GPM6A: variants seen among roughly 807,000 people sequenced by gnomAD.
GPM6A encodes neuronal membrane glycoprotein M6-a.
A neutral mutation model predicts 32.1 loss-of-function variants in GPM6A; 7 were observed. The observed-to-expected ratio is 0.22, with a 90% CI of 0.12 to 0.41. The LOEUF is 0.41. GPM6A is among the 10% of genes least tolerant of loss of function. GPM6A has a pLI of 1.00. For missense variants in GPM6A, 235 were observed against 347.2 expected (o/e 0.68, Z 2.57); for synonymous variants, 130 against 123.4 (o/e 1.05, Z -0.35).
chr4:176,000,538 C>A (rs1256904088), intron 1 of GPM6A, among the ~76,000 whole-genome samples: 3 of 152,190 alleles, frequency 2.0e-5, no homozygotes, highest in African/African-American at 4.8e-5. Context: ...CCTTTGATAG[C>A]CAGTCCTCTC....
At chr4:175,779,992 GA>G (rs955784640) in intron 1 of GPM6A, among the ~76,000 whole-genome samples, 2 of 146,390 alleles carry the variant, frequency 1.4e-5, no homozygotes, top group South Asian at 2.1e-4. Flanking sequence ...TATGCTCAGT[GA>G]AAAAAAAATA....
At chr4:175,964,402 G>T (rs79795802) in intron 1 of GPM6A, among the ~76,000 whole-genome samples, 281 of 152,218 alleles carry the variant, frequency 1.8e-3, no homozygotes, top group African/African-American at 6.0e-3. Flanking sequence ...ATATTAGTTC[G>T]CAGGGGCTAT....
intron 1 of GPM6A, among the ~76,000 whole-genome samples, chr4:175,914,469 C>T (rs914410645): frequency 1.3e-5 from 2 of 152,102 alleles, no homozygotes; most frequent in African/African-American, 4.8e-5. Flanking sequence ...ACTACCGGCA[C>T]ATGCCACCAC....
intron 1 of GPM6A, among the ~76,000 whole-genome samples, chr4:175,964,171 G>A (rs1740260059): frequency 6.6e-6 from 1 of 151,722 alleles, no homozygotes; most frequent in Non-Finnish European, 1.5e-5. Flanking sequence ...TAACAAACAT[G>A]ATAGATAATG....
At chr4:175,659,508 A>T (rs757051735) in intron 3 of GPM6A, among the ~76,000 whole-genome samples, 3 of 152,176 alleles carry the variant, frequency 2.0e-5, no homozygotes, top group Non-Finnish European at 4.4e-5. Flanking sequence ...TTTTAAAAAT[A>T]GTTAAGAGAA....
chr4:175,653,827 A>G (rs1741932669), intron 3 of GPM6A, among the ~76,000 whole-genome samples: 1 of 152,172 alleles, frequency 6.6e-6, no homozygotes. Context: ...ACTTGACTGT[A>G]TATGGTAAAC....
At chr4:175,988,329 CAAAG>C (rs1003127560) in intron 1 of GPM6A, among the ~76,000 whole-genome samples, 15 of 152,080 alleles carry the variant, frequency 9.9e-5, no homozygotes, top group Non-Finnish European at 1.5e-4. Context: ...GAAAACTGGA[CAAAG>C]AAAGAAAGAC....
chr4:175,752,542 C>G (rs772741335), intron 1 of GPM6A, among the ~76,000 whole-genome samples: 1 of 152,082 alleles, frequency 6.6e-6, no homozygotes, highest in Non-Finnish European at 1.5e-5. Context: ...AAAAAGTCGG[C>G]TCCAAGAAGG....
chr4:175,964,664 T>C (rs1376025000), intron 1 of GPM6A, among the ~76,000 whole-genome samples: 1 of 152,202 alleles, frequency 6.6e-6, no homozygotes, highest in Non-Finnish European at 1.5e-5. Context: ...GACCTCATTT[T>C]ACCTTAATTA....
At chr4:175,677,567 C>A (rs1350857617) in intron 2 of GPM6A, among the ~76,000 whole-genome samples, 3 of 151,522 alleles carry the variant, frequency 2.0e-5, no homozygotes, top group Admixed American at 6.6e-5. Context: ...AAGAATTTGG[C>A]CAAAAAAAGT....
chr4:175,725,824 C>T (rs1324094307), intron 1 of GPM6A, among the ~76,000 whole-genome samples: 4 of 152,032 alleles, frequency 2.6e-5, no homozygotes, highest in Non-Finnish European at 5.9e-5. Flanking sequence ...TAATAATTTA[C>T]ATGAAATGAA....
At chr4:175,800,106 GGATTC>G (rs979995618) in intron 1 of GPM6A, among the ~76,000 whole-genome samples, 1 of 151,990 alleles carries the variant, frequency 6.6e-6, no homozygotes, top group African/African-American at 2.4e-5. Flanking sequence ...AAAAGTATAT[GGATTC>G]CAAAGTGGTT....
chr4:175,689,669 C>T (rs1043020420), intron 2 of GPM6A, among the ~76,000 whole-genome samples: 5 of 152,300 alleles, frequency 3.3e-5, no homozygotes, highest in African/African-American at 1.2e-4. Flanking sequence ...TGTTACCTGT[C>T]TGGATATTCT....
At chr4:175,843,603 C>A (rs992790051) in intron 1 of GPM6A, among the ~76,000 whole-genome samples, 5 of 152,294 alleles carry the variant, frequency 3.3e-5, no homozygotes, top group African/African-American at 9.6e-5. Flanking sequence ...CATAGGCAGG[C>A]AACCTGTGGA....
chr4:175,954,382 G>A (rs1369864580), intron 1 of GPM6A, among the ~76,000 whole-genome samples: 1 of 152,132 alleles, frequency 6.6e-6, no homozygotes, highest in Non-Finnish European at 1.5e-5. Flanking sequence ...TGCGAAACCC[G>A]GCTCAAGCAC....
chr4:175,763,277 G>A (rs1351304094), intron 1 of GPM6A, among the ~76,000 whole-genome samples: 1 of 152,138 alleles, frequency 6.6e-6, no homozygotes, highest in African/African-American at 2.4e-5. Context: ...CTCCCAAAGT[G>A]CTGGGATTAC....
intron 1 of GPM6A, among the ~76,000 whole-genome samples, chr4:175,717,113 A>G (rs1745879620): frequency 6.6e-6 from 1 of 151,838 alleles, no homozygotes; most frequent in African/African-American, 2.4e-5. Flanking sequence ...TCTCGCCAGC[A>G]TCATTTCCCA....
At chr4:175,943,801 T>A (rs1739495089) in intron 1 of GPM6A, among the ~76,000 whole-genome samples, 1 of 152,198 alleles carries the variant, frequency 6.6e-6, no homozygotes, top group African/African-American at 2.4e-5. Flanking sequence ...ATTGAGGGTT[T>A]TCGCATCGAT....
intron 1 of GPM6A, among the ~76,000 whole-genome samples, chr4:175,715,793 A>G (rs1222868788): frequency 2.0e-5 from 3 of 151,834 alleles, no homozygotes; most frequent in Non-Finnish European, 4.4e-5. Flanking sequence ...CTGTCCGGGC[A>G]TGGTGGCTCA....
Sources: allele counts gnomAD v4.1 joint callset (sites outside exome capture counted in the v4.1 genomes callset), GRCh38; gene constraint gnomAD v4.1.1; transcripts MANE v1.5; gene names NCBI Gene and HGNC (gene_info 2026-07-23, HGNC 2026-07-21).